GPC6: variants seen among roughly 807,000 people sequenced by gnomAD.
GPC6 encodes the protein glypican-6.
A neutral mutation model predicts 55.2 loss-of-function variants in GPC6; 14 were observed. That is an observed-to-expected ratio of 0.25 (90% CI 0.17 to 0.40). The LOEUF is 0.40. Ranked by LOEUF, GPC6 falls within the 10% of genes least tolerant of loss-of-function variation. The pLI is 1.00. For missense variants in GPC6, 641 were observed against 708.5 expected, an observed-to-expected ratio of 0.90 and a Z score of 1.08; for synonymous variants, 278 against 259.6, an observed-to-expected ratio of 1.07 and a Z score of -0.68.
intron 2 of GPC6, among the ~76,000 whole-genome samples, chr13:93,563,883 AT>A (rs561229015): frequency 1.3e-5 from 2 of 151,962 alleles, no homozygotes; most frequent in South Asian, 2.1e-4. Flanking sequence ...CTAATGTATA[AT>A]TTTTTTTATT....
chr13:94,045,745 CA>C (rs541767325), intron 4 of GPC6, among the ~76,000 whole-genome samples: 1,841 of 116,104 alleles, frequency 0.016, 24 homozygotes, highest in African/African-American at 0.044. Context: ...CATGGATTTT[CA>C]AAAAAAAAAA....
intron 3 of GPC6, among the ~76,000 whole-genome samples, chr13:94,024,990 C>T (rs1018761921): frequency 1.3e-5 from 2 of 152,074 alleles, no homozygotes; most frequent in African/African-American, 4.8e-5. Flanking sequence ...GTGCATAGCA[C>T]AAGGTTATAA....
rs565866683 is a variant in GPC6 at position 93,925,007 on chromosome 13, G to T, written c.711+94462G>T. Among the ~76,000 whole-genome samples the T allele has an allele frequency of 2.4e-4, 36 of 152,224 alleles. 1 individual carries two copies. In the South Asian group the frequency reaches 6.6e-3, roughly 28 times the overall value. ...AAACATGAAAAGAGTTTGAAGTAGA[G>T]AAACAAAGATGTAAAAGCCAACATA... On this transcript the variant is annotated intron_variant, in intron 3 of 8. Coordinates refer to ENST00000377047, the MANE Select transcript of GPC6 (RefSeq NM_005708.5).
At chr13:93,957,144 C>A (rs1228882421) in intron 3 of GPC6, among the ~76,000 whole-genome samples, 1 of 152,062 alleles carries the variant, frequency 6.6e-6, no homozygotes, top group Non-Finnish European at 1.5e-5. Flanking sequence ...AACTATTTAG[C>A]TAGCTTATTA....
At chr13:93,612,099 A>G (rs781093864) in intron 2 of GPC6, among the ~76,000 whole-genome samples, 2 of 152,220 alleles carry the variant, frequency 1.3e-5, no homozygotes, top group African/African-American at 2.4e-5. Context: ...TTGTAATTAC[A>G]TGCAAAATAT....
At chr13:93,544,277 T>C (rs1874631930) in intron 1 of GPC6, among the ~76,000 whole-genome samples, 4 of 152,214 alleles carry the variant, frequency 2.6e-5, no homozygotes, top group Admixed American at 2.6e-4. Flanking sequence ...AGACAACCTA[T>C]ACTTCACACA....
At chr13:94,066,829 G>T (rs1219413997) in intron 4 of GPC6, among the ~76,000 whole-genome samples, 4 of 152,170 alleles carry the variant, frequency 2.6e-5, no homozygotes, top group African/African-American at 9.7e-5. Context: ...AGGTATAAAA[G>T]CTAAGTATCT....
intron 7 of GPC6, among the ~76,000 whole-genome samples, chr13:94,391,215 G>A (rs1391563328): frequency 1.3e-5 from 2 of 152,174 alleles, no homozygotes; most frequent in Non-Finnish European, 2.9e-5. Context: ...ATGAATTCAG[G>A]CTTTAAAATT....
intron 1 of GPC6, among the ~76,000 whole-genome samples, chr13:93,427,199 C>A (rs1026966401): frequency 3.9e-5 from 6 of 152,082 alleles, no homozygotes; most frequent in Non-Finnish European, 5.9e-5. Context: ...GCCTCTTATG[C>A]CATCTCCATC....
intron 3 of GPC6, among the ~76,000 whole-genome samples, chr13:93,943,064 T>G (rs1216047229): frequency 3.9e-5 from 6 of 152,152 alleles, no homozygotes; most frequent in Non-Finnish European, 8.8e-5. Context: ...CTGCAGGCTT[T>G]TCAATAGCAC....
At position 94,267,948 on chromosome 13, in the gene GPC6, A is replaced by C. The variant is rs530267428; in HGVS notation, c.878-18401A>C. Among the ~76,000 whole-genome samples the C allele has an allele frequency of 1.7e-4, 26 of 152,342 alleles. No individual in the cohort carries two copies. In the South Asian group the frequency reaches 5.4e-3, roughly 32 times the overall value. On this transcript the variant is annotated intron_variant, in intron 4 of 8. Transcript: ENST00000377047. ...TAAAGGCATCTGGGAATATGTGTAG[A>C]AGAAATATGAAAGAAACAAAAATTA...
chr13:94,078,758 C>T (rs888946504), intron 4 of GPC6, among the ~76,000 whole-genome samples: 3 of 151,832 alleles, frequency 2.0e-5, no homozygotes, highest in African/African-American at 7.2e-5. Context: ...AATAAAAAAC[C>T]TCTCAACAAA....
At chr13:93,698,512 C>CT (rs1882549145) in intron 2 of GPC6, among the ~76,000 whole-genome samples, 1 of 28,508 alleles carries the variant, frequency 3.5e-5, no homozygotes, top group Admixed American at 4.0e-4. Context: ...TTTTTTTTTA[C>CT]TGTCAGGTTA....
chr13:93,766,994 C>T (rs545169126), intron 2 of GPC6, among the ~76,000 whole-genome samples: 6 of 151,520 alleles, frequency 4.0e-5, no homozygotes, highest in African/African-American at 1.2e-4. Flanking sequence ...TTTTTTCCCC[C>T]GCGGTGGTGG....
At chr13:93,885,265 T>G (rs373695790) in intron 3 of GPC6, among the ~76,000 whole-genome samples, 12 of 149,906 alleles carry the variant, frequency 8.0e-5, no homozygotes, top group African/African-American at 2.5e-4. Flanking sequence ...ATCCAGCCAT[T>G]TATCTCTGGG....
At chr13:93,750,197 C>T (rs1023015920) in intron 2 of GPC6, among the ~76,000 whole-genome samples, 4 of 152,084 alleles carry the variant, frequency 2.6e-5, no homozygotes, top group South Asian at 2.1e-4. Context: ...AAGGAATAAG[C>T]GATCAGGGAG....
At chr13:94,119,238 CA>C (rs1421089196) in intron 4 of GPC6, among the ~76,000 whole-genome samples, 3 of 151,716 alleles carry the variant, frequency 2.0e-5, no homozygotes, top group African/African-American at 4.8e-5. Context: ...TTGGAGCTTA[CA>C]TTCTGGAGAA....
At chr13:94,276,827 T>C (rs1892227260) in intron 4 of GPC6, among the ~76,000 whole-genome samples, 1 of 152,218 alleles carries the variant, frequency 6.6e-6, no homozygotes, top group African/African-American at 2.4e-5. Context: ...ATTTTCTTTA[T>C]CCAGTCTATC....
At chr13:94,091,169 T>C (rs1885467918) in intron 4 of GPC6, among the ~76,000 whole-genome samples, 1 of 152,144 alleles carries the variant, frequency 6.6e-6, no homozygotes, top group Non-Finnish European at 1.5e-5. Flanking sequence ...ATATTTTTGG[T>C]TTCAAGTTGA....
Sources: gnomAD v4.1 joint callset for allele counts (sites outside exome capture counted in the v4.1 genomes callset) on GRCh38, gnomAD v4.1.1 for gene constraint, MANE v1.5 for transcripts, NCBI Gene and HGNC (gene_info 2026-07-23, HGNC 2026-07-21) for gene names.